SPIRE1: variants seen among roughly 807,000 people sequenced by gnomAD.
SPIRE1 encodes the protein spire type actin nucleation factor 1.
A neutral mutation model predicts 94.1 loss-of-function variants in SPIRE1; 40 were observed. That is an observed-to-expected ratio of 0.43 (90% CI 0.33 to 0.55). The LOEUF (loss-of-function observed/expected upper bound fraction) is 0.55, where lower values mean the gene tolerates loss of function less well. SPIRE1 is among the 20% of genes least tolerant of loss of function. SPIRE1 has a pLI of 0.06. For missense variants in SPIRE1, 838 were observed against 975.2 expected, an observed-to-expected ratio of 0.86 and a Z score of 1.87; for synonymous variants, 376 against 371.7, an observed-to-expected ratio of 1.01 and a Z score of -0.13.
At chr18:12,557,505 C>A (rs1468853671) in intron 2 of SPIRE1, among the ~76,000 whole-genome samples, 2 of 152,156 alleles carry the variant, frequency 1.3e-5, no homozygotes, top group Non-Finnish European at 2.9e-5. Flanking sequence ...GGCGCAGACC[C>A]AGTTCCCGCC....
chr18:12,566,711 C>A (rs956596845), intron 2 of SPIRE1, among the ~76,000 whole-genome samples: 1 of 151,976 alleles, frequency 6.6e-6, no homozygotes, highest in African/African-American at 2.4e-5. Flanking sequence ...TAATTAATAA[C>A]CTTCCAAAAC....
chr18:12,622,000 A>G (rs888328503), intron 2 of SPIRE1, among the ~76,000 whole-genome samples: 1 of 152,180 alleles, frequency 6.6e-6, no homozygotes, highest in Non-Finnish European at 1.5e-5. Flanking sequence ...AATTGAGAGA[A>G]TATGTCGAGA....
intron 2 of SPIRE1, among the ~76,000 whole-genome samples, chr18:12,600,534 T>C (rs2036803264): frequency 6.6e-6 from 1 of 151,864 alleles, no homozygotes; most frequent in South Asian, 2.1e-4. Context: ...CTGATGATTT[T>C]TACCTAAGTC....
At chr18:12,473,828 C>G (rs982792855) in intron 10 of SPIRE1, among the ~76,000 whole-genome samples, 2 of 152,164 alleles carry the variant, frequency 1.3e-5, no homozygotes, top group African/African-American at 4.8e-5. Flanking sequence ...AGTTAACCCC[C>G]AAACACAGCA....
intron 12 of SPIRE1, among the ~76,000 whole-genome samples, chr18:12,456,122 G>A (rs1348751714): frequency 6.6e-6 from 1 of 152,144 alleles, no homozygotes; most frequent in Non-Finnish European, 1.5e-5. Flanking sequence ...AGGGGGATGA[G>A]TTTACTCAGA....
intron 1 of SPIRE1, chr18:12,656,707 T>C (rs2038547002): frequency 2.0e-6 from 2 of 982,054 alleles, no homozygotes; most frequent in African/African-American, 1.7e-5. Flanking sequence ...CTCAACCTCC[T>C]CCTCCTCTTC....
Position 12,472,212 on chromosome 18 carries a change from C to G in SPIRE1, c.1405-7254G>C, listed in dbSNP as rs891864149. ...TCATGCCTGTAATCCTAGCACTTTG[C>G]GAGGCCGAGGCAAGAGGAATGCTTG... On this transcript the variant is annotated intron_variant, in intron 10 of 16. Transcript: ENST00000409402. 8.0e-4 allele frequency among the ~76,000 whole-genome samples: 121 copies of G among 152,008 alleles called. 1 individual carries two copies. The highest frequency in any genetic ancestry group is 5.7e-4 in the Non-Finnish European group (39 of 67,972).
Position 12,464,807 on chromosome 18 carries a change from A to G in SPIRE1, c.1495+61T>C, listed in dbSNP as rs1321767686. The stretch of plus-strand genomic sequence containing the variant: ...CAGGGCGCTCTGGGATCTCTGCTCT[A>G]GGTCAAGTGTGTTTTGTAGTAAGAC... On this transcript the variant is annotated intron_variant, in intron 11 of 16. Coordinates refer to ENST00000409402, the MANE Select transcript of SPIRE1 (RefSeq NM_001128626.2). 7 of 1,402,206 alleles carry G rather than the reference A, an allele frequency of 5.0e-6. No individual in the cohort carries two copies. In the East Asian group the frequency reaches 1.6e-4, roughly 32 times the overall value. 86.9% of individuals were successfully genotyped at this position (1,402,206 alleles called of 1,614,324 possible).
intron 2 of SPIRE1, among the ~76,000 whole-genome samples, chr18:12,611,933 C>G (rs1431543255): frequency 6.6e-6 from 1 of 152,144 alleles, no homozygotes; most frequent in Non-Finnish European, 1.5e-5. Flanking sequence ...CTCCGCCTCC[C>G]AAAGTGCTGA....
At chr18:12,628,263 A>G (rs2037684935) in intron 2 of SPIRE1, among the ~76,000 whole-genome samples, 1 of 152,180 alleles carries the variant, frequency 6.6e-6, no homozygotes, top group South Asian at 2.1e-4. Flanking sequence ...AGCTTTCTAC[A>G]TATGGCTAGC....
intron 12 of SPIRE1, among the ~76,000 whole-genome samples, chr18:12,457,846 CT>C (rs201510377): frequency 0.24 from 32,010 of 131,984 alleles, 3,490 homozygotes; most frequent in Non-Finnish European, 0.29. Flanking sequence ...TTTCTTTTTT[CT>C]TTTTTTTTTT....
intron 10 of SPIRE1, among the ~76,000 whole-genome samples, chr18:12,472,880 C>T (rs1039724226): frequency 6.6e-6 from 1 of 152,166 alleles, no homozygotes; most frequent in Admixed American, 6.5e-5. Context: ...GCAACCTCCA[C>T]CTCCTGGGTT....
At chr18:12,503,240 T>C (rs2033723427) in intron 6 of SPIRE1, among the ~76,000 whole-genome samples, 1 of 152,190 alleles carries the variant, frequency 6.6e-6, no homozygotes, top group African/African-American at 2.4e-5. Context: ...CCTCACCTAC[T>C]ACCATAAAAT....
At chr18:12,467,953 A>C (rs1260825757) in intron 10 of SPIRE1, among the ~76,000 whole-genome samples, 2 of 152,082 alleles carry the variant, frequency 1.3e-5, no homozygotes, top group Non-Finnish European at 2.9e-5. Flanking sequence ...CCATCTCAAA[A>C]GGAAAAAAAA....
At position 12,627,287 on chromosome 18, in the gene SPIRE1, C is replaced by T. The variant is rs565353003; in HGVS notation, c.372+7775G>A. ...CCAAGTGTTCTCATTGTTCAATTCC[C>T]ACCTATGAGTGAGAACATGTGGTGT... On this transcript the variant is annotated intron_variant, in intron 2 of 16. Coordinates refer to ENST00000409402, the MANE Select transcript of SPIRE1 (RefSeq NM_001128626.2). Among the ~76,000 whole-genome samples, 5 of 152,000 alleles carry T rather than the reference C, an allele frequency of 3.3e-5. No homozygotes were observed. The South Asian group carries it at 8.3e-4, about 25-fold the overall frequency.
intron 4 of SPIRE1, among the ~76,000 whole-genome samples, chr18:12,532,711 T>C (rs1036246332): frequency 1.8e-4 from 28 of 152,248 alleles, no homozygotes; most frequent in Admixed American, 3.3e-4. Context: ...ACCATTTACA[T>C]ACATAAACTA....
chr18:12,469,650 ATTATT>A (rs906214870), intron 10 of SPIRE1, among the ~76,000 whole-genome samples: 2 of 144,254 alleles, frequency 1.4e-5, no homozygotes, highest in Admixed American at 1.4e-4. Flanking sequence ...ATATAAATAT[ATTATT>A]TACATATAAT....
chr18:12,628,452 C>G lies in SPIRE1; in HGVS notation c.372+6610G>C, dbSNP rs1447104135. Among the ~76,000 whole-genome samples, 4 of 152,092 alleles carry G rather than the reference C, an allele frequency of 2.6e-5. No individual in the cohort carries two copies. The East Asian group carries it at 5.8e-4, about 22-fold the overall frequency. ...TACCATGCTGTTTTGGTTACTGTAG[C>G]CTTGTAGTATAGTTTGAAGTCAGGT... On this transcript the variant is annotated intron_variant, in intron 2 of 16. Transcript: ENST00000409402.
rs1255389240 is a variant in SPIRE1, at chr18:12,479,726, C to A, written c.1377G>T (p.Leu459=). The A allele has an allele frequency of 6.2e-7, 1 of 1,613,504 alleles. No individual in the cohort carries two copies. Among genetic ancestry groups the A allele is most frequent in the Admixed American group, 1.7e-5 (1 of 59,896 alleles). The part of the protein sequence containing the change: ...QRKKLLRAPT[L]AELDSSESEE... ...CAGACTCAGAGCTGTCCAGTTCGGCCAGAGTTGGGGCTCTGAGGAGCTTCT... is the reference window on the plus strand; with the variant it reads ...CAGACTCAGAGCTGTCCAGTTCGGCAAGAGTTGGGGCTCTGAGGAGCTTCT... The change falls in exon 10 of 17, where the codon CTG becomes CTT. Residue 459 remains leucine, a synonymous_variant. Coordinates refer to ENST00000409402, the MANE Select transcript of SPIRE1 (RefSeq NM_001128626.2).
Sources: gnomAD v4.1 joint callset for allele counts (sites outside exome capture counted in the v4.1 genomes callset) on GRCh38, gnomAD v4.1.1 for gene constraint, MANE v1.5 for transcripts, NCBI Gene and HGNC (gene_info 2026-07-23, HGNC 2026-07-21) for gene names.